The following STEAP4 variants were observed in gnomAD, a reference collection of about 807,000 sequenced individuals.
STEAP4 encodes the protein metalloreductase STEAP4.
In STEAP4, 36 loss-of-function variants were observed where a neutral mutation model predicts 43.6. The ratio of observed to expected loss-of-function variants is 0.83; its 90% CI spans 0.63 to 1.09. STEAP4 has a LOEUF of 1.09. STEAP4 is among the 50% of genes least tolerant of loss of function. The pLI, the probability that STEAP4 is intolerant of heterozygous loss-of-function variation, is 0.00. For synonymous variants in STEAP4, 191 were observed against 196.7 expected, an observed-to-expected ratio of 0.97 and a Z score of 0.24; for missense variants, 495 against 546.5, an observed-to-expected ratio of 0.91 and a Z score of 0.94.
chr7:88,306,615 T>C (rs1853138716), intron 1 of STEAP4, among the ~76,000 whole-genome samples, 177 bp downstream of exon 1: 2 of 152,264 alleles, frequency 1.3e-5, no homozygotes, highest in Admixed American at 6.5e-5. Flanking sequence ...AGAAGCTTGC[T>C]GAATCGCGGA....
chr7:88,299,352 A>C (rs1232389269), intron 1 of STEAP4, among the ~76,000 whole-genome samples: 2 of 152,212 alleles, frequency 1.3e-5, no homozygotes, highest in Non-Finnish European at 2.9e-5. Context: ...TATCTGATTA[A>C]AGCCCAGGAC....
At chr7:88,296,117 T>G (rs1852919289) in intron 1 of STEAP4, among the ~76,000 whole-genome samples, 2 of 152,212 alleles carry the variant, frequency 1.3e-5, no homozygotes, top group Non-Finnish European at 2.9e-5. Context: ...CCAAGAGCCA[T>G]GAAATTATAA....
At chr7:88,298,323 G>A (rs1026742612) in intron 1 of STEAP4, 1 of 152,080 alleles carries the variant, frequency 6.6e-6, no homozygotes, top group Non-Finnish European at 1.5e-5. Context: ...GAGGAACAGG[G>A]TCCACTGGAA....
chr7:88,284,809 T>G (rs1852699381), intron 1 of STEAP4, among the ~76,000 whole-genome samples: 1 of 152,104 alleles, frequency 6.6e-6, no homozygotes, highest in Admixed American at 6.5e-5. Flanking sequence ...TCTGTGTATG[T>G]TAAAAGGACA....
chr7:88,301,019 C>T (rs1853024373), intron 1 of STEAP4, among the ~76,000 whole-genome samples: 1 of 152,164 alleles, frequency 6.6e-6, no homozygotes, highest in Non-Finnish European at 1.5e-5. Flanking sequence ...GAGATAGATA[C>T]AGGGACCCAT....
At position 88,279,363 on chromosome 7, in the gene STEAP4, T is replaced by G. The variant is rs1352759920; in HGVS notation, c.*35A>C. The G allele has an allele frequency of 1.3e-6, 2 of 1,590,590 alleles. No homozygotes were observed. The highest frequency in any genetic ancestry group is 1.7e-5 in the Admixed American group (1 of 59,554). On this transcript the variant is annotated 3_prime_UTR_variant, in exon 5 of 5. Coordinates refer to ENST00000380079, the MANE Select transcript of STEAP4 (RefSeq NM_024636.4). ...TCAGAAATCCAGCTAAATTGAACTTTGTTTTAAATATTGATTTTCCATTCA... is the reference window on the plus strand; with the variant it reads ...TCAGAAATCCAGCTAAATTGAACTTGGTTTTAAATATTGATTTTCCATTCA...
rs149789854 is a variant in STEAP4, at chr7:88,273,664, A to C, written c.*5734T>G. ...AAGGTGAGAAACCAGGGAAAAAGAA[A>C]ATATTTGCCTTTAAGCTCTGGAGAA... is the stretch of plus-strand genomic sequence containing the variant. On this transcript the variant is annotated 3_prime_UTR_variant, in exon 5 of 5. Coordinates refer to ENST00000380079, the MANE Select transcript of STEAP4 (RefSeq NM_024636.4). 163 of 152,288 alleles carry C rather than the reference A, an allele frequency of 1.1e-3. 1 individual carries two copies. Among genetic ancestry groups the C allele is most frequent in the African/African-American group, 3.6e-3 (151 of 41,558 alleles). The allele number at this position is 152,288 out of a possible 1,614,324, so 9.4% of individuals were successfully genotyped here. A position where few individuals can be genotyped will look rare whatever the true frequency, so the allele number is the denominator to read the frequency against.
rs866488168 is a variant in STEAP4 at position 88,283,004 on chromosome 7, AG to A, written c.620del (p.Ser207LeufsTer14). ...FPMWRFPFYL[S>X]AVLCVFLFFY... is the part of the protein sequence containing the mutation. ...AAAACAAGAAGACACACAGCACAGC[AG>A]ACAAATAGAAGGGGAACCTCCACAT... is the stretch of plus-strand genomic sequence containing the variant. On this transcript the variant is annotated frameshift_variant, in exon 3 of 5. Coordinates refer to ENST00000380079, the MANE Select transcript of STEAP4 (RefSeq NM_024636.4). LOFTEE classifies it high-confidence loss of function. 1.3e-5 allele frequency: 21 copies of A among 1,613,694 alleles called. No homozygotes were observed. The highest frequency in any genetic ancestry group is 1.8e-5 in the Non-Finnish European group (21 of 1,179,874).
At chr7:88,302,909 G>A (rs1044564928) in intron 1 of STEAP4, among the ~76,000 whole-genome samples, 5 of 137,318 alleles carry the variant, frequency 3.6e-5, no homozygotes, top group African/African-American at 8.4e-5. Context: ...AGCTGACATC[G>A]CGCTACTGTA....
intron 1 of STEAP4, among the ~76,000 whole-genome samples, chr7:88,303,198 A>AC (rs1554544046): frequency 4.8e-5 from 7 of 144,456 alleles, no homozygotes; most frequent in African/African-American, 1.7e-4. Context: ...AAAAAAAAAA[A>AC]AAAAAAAAAA....
chr7:88,292,451 A>C (rs1169580981), intron 1 of STEAP4: 1 of 152,196 alleles, frequency 6.6e-6, no homozygotes, highest in African/African-American at 2.4e-5. Flanking sequence ...TTAAAAAAAT[A>C]AATCAATCAA....
chr7:88,276,937 A>T lies in STEAP4; in HGVS notation c.*2461T>A, dbSNP rs1168800049. The T allele has an allele frequency of 4.6e-5, 7 of 152,166 alleles. No individual in the cohort carries two copies. The highest frequency in any genetic ancestry group is 3.9e-4 in the Admixed American group (6 of 15,276). 9.4% of individuals were successfully genotyped at this position (152,166 alleles called of 1,614,324 possible). The stretch of plus-strand genomic sequence containing the variant: ...CATTTTTACTAGGCTATAAAAGTAG[A>T]GTTCATTTTTTTCTATAGGTCAGCA... On this transcript the variant is annotated 3_prime_UTR_variant, in exon 5 of 5. Transcript: ENST00000380079.
chr7:88,290,422 A>G (rs1586748769), intron 1 of STEAP4: 1 of 152,202 alleles, frequency 6.6e-6, no homozygotes, highest in African/African-American at 2.4e-5. Context: ...GACCATGAAC[A>G]GGTACTGGAG....
chr7:88,284,992 C>T (rs1237375825), intron 1 of STEAP4, among the ~76,000 whole-genome samples: 2 of 151,958 alleles, frequency 1.3e-5, no homozygotes, highest in African/African-American at 2.4e-5. Flanking sequence ...CTGCTATGAC[C>T]ACTTTAGTTA....
At position 88,279,129 on chromosome 7, in the gene STEAP4, GC is replaced by G; in HGVS notation, c.*268del. 1 of 448,048 alleles carries G rather than the reference GC, an allele frequency of 2.2e-6. No homozygotes were observed. Among genetic ancestry groups the G allele is most frequent in the East Asian group, 4.3e-5 (1 of 23,358 alleles). The allele number at this position is 448,048 out of a possible 1,614,324, so 27.8% of individuals were successfully genotyped here. On this transcript the variant is annotated 3_prime_UTR_variant, in exon 5 of 5. Coordinates refer to ENST00000380079, the MANE Select transcript of STEAP4 (RefSeq NM_024636.4). Reference sequence around the variant, plus strand: ...AAACTCTTTAGTGTGAAACCACAAGGCTAGTCTCAATCTCAGCTCCATGGCC... The same window carrying G: ...AAACTCTTTAGTGTGAAACCACAAGGTAGTCTCAATCTCAGCTCCATGGCC...
At chr7:88,287,462 G>A (rs1271060502) in intron 1 of STEAP4, among the ~76,000 whole-genome samples, 3 of 152,212 alleles carry the variant, frequency 2.0e-5, no homozygotes. Context: ...AATGGAGAAG[G>A]AGTAATTCAG....
rs1337169915 is a variant in STEAP4, at chr7:88,275,644, G to A, written c.*3754C>T. On this transcript the variant is annotated 3_prime_UTR_variant, in exon 5 of 5. Coordinates refer to ENST00000380079, the MANE Select transcript of STEAP4 (RefSeq NM_024636.4). ...GTGTGTGTGTGTGTGTGTTGGAGAA[G>A]TGGTAGTGAAGATGATGGTTGTGAT... 3.3e-5 allele frequency: 5 copies of A among 149,712 alleles called. No individual in the cohort carries two copies. The highest frequency in any genetic ancestry group is 6.7e-5 in the Admixed American group (1 of 14,938). 9.3% of individuals were successfully genotyped at this position (149,712 alleles called of 1,614,324 possible). A position where few individuals can be genotyped will look rare whatever the true frequency, so the allele number is the denominator to read the frequency against.
chr7:88,288,149 C>A (rs183800921), intron 1 of STEAP4, among the ~76,000 whole-genome samples: 2 of 152,204 alleles, frequency 1.3e-5, no homozygotes, highest in East Asian at 3.9e-4. Context: ...AAGGTAAATT[C>A]AAAATAAATT....
In STEAP4 at chr7:88,272,431, C is replaced by G. The variant is rs540342656; in HGVS notation, c.*6967G>C. 3 of 152,234 alleles carry G rather than the reference C, an allele frequency of 2.0e-5. No individual in the cohort carries two copies. In the East Asian group the frequency reaches 5.8e-4, roughly 29 times the overall value. The allele number at this position is 152,234 out of a possible 1,614,324, so 9.4% of individuals were successfully genotyped here. A position where few individuals can be genotyped will look rare whatever the true frequency, so the allele number is the denominator to read the frequency against. ...CTAATAATTTGATGATTTTTAACTT[C>G]CAGTATAAACTCTTTTACAAGAAGC... On this transcript the variant is annotated 3_prime_UTR_variant, in exon 5 of 5. Transcript: ENST00000380079.
Sources: gnomAD v4.1 joint callset for allele counts (sites outside exome capture counted in the v4.1 genomes callset) on GRCh38, gnomAD v4.1.1 for gene constraint, MANE v1.5 for transcripts, NCBI Gene and HGNC (gene_info 2026-07-23, HGNC 2026-07-21) for gene names.